The following WDR5 variants were observed in gnomAD, a reference collection of about 807,000 sequenced individuals.
The protein encoded by WDR5 is WD repeat-containing protein 5.
For missense variants in WDR5, 187 were observed against 416.9 expected (o/e 0.45, Z 4.80); for synonymous variants, 144 against 161.6 (o/e 0.89, Z 0.83).
At position 134,157,996 on chromosome 9, in the gene WDR5, C is replaced by A. The variant is rs770477775; in HGVS notation, c.*3C>A. The A allele has an allele frequency of 3.1e-6, 5 of 1,613,430 alleles. No individual in the cohort carries two copies. In the African/African-American group the frequency reaches 6.7e-5, roughly 22 times the overall value. ...AACTGTGGAAGAGTGACTGCTAAGT[C>A]CCTTTGCTCCTGCCCGCGAGAGACT... On this transcript the variant is annotated 3_prime_UTR_variant, in exon 14 of 14. Coordinates refer to ENST00000358625, the MANE Select transcript of WDR5 (RefSeq NM_017588.3). This position sits in a 1 kb window ranked among gnomAD's most constrained non-coding sequence, Gnocchi z 5.0.
In WDR5 at chr9:134,140,785, C is replaced by T. The variant is rs375576421; in HGVS notation, c.164C>T (p.Pro55Leu). 14 of 1,613,994 alleles carry T rather than the reference C, an allele frequency of 8.7e-6. No individual in the cohort carries two copies. The highest frequency in any genetic ancestry group is 6.7e-5 in the Admixed American group (4 of 59,998). Residue 55 changes from proline to leucine, a missense_variant, in exon 3 of 14, where the codon CCG becomes CTG. Pro to Leu is a moderately conservative substitution (Grantham distance 98, BLOSUM62 -3). Coordinates refer to ENST00000358625, the MANE Select transcript of WDR5 (RefSeq NM_017588.3). ...TKAVSSVKFS[P>L]NGEWLASSSA... Reference sequence around the variant, plus strand: ...GCAGTGTCCTCCGTGAAATTCAGCCCGAATGGAGAGTGGCTGGCAAGTTCA... The same window carrying T: ...GCAGTGTCCTCCGTGAAATTCAGCCTGAATGGAGAGTGGCTGGCAAGTTCA...
chr9:134,136,729 C>T (rs1287812940), intron 1 of WDR5, among the ~76,000 whole-genome samples: 1 of 152,154 alleles, frequency 6.6e-6, no homozygotes, highest in Non-Finnish European at 1.5e-5. Flanking sequence ...CACCGTGCCT[C>T]CTCGCGCGGG....
intron 1 of WDR5, among the ~76,000 whole-genome samples, chr9:134,137,229 G>C (rs1244286459): frequency 6.6e-6 from 1 of 152,166 alleles, no homozygotes; most frequent in African/African-American, 2.4e-5. Context: ...TGGATGAAAA[G>C]CAGTGGCTGC....
chr9:134,143,038 G>A (rs747599899), intron 7 of WDR5, among the ~76,000 whole-genome samples: 2 of 152,038 alleles, frequency 1.3e-5, no homozygotes, highest in South Asian at 2.1e-4. Flanking sequence ...ACTGATGCAC[G>A]GGACAGGAAG....
rs978290942 is a variant in WDR5, at chr9:134,157,249, C to G, written c.905-644C>G. ...GCCTGGGGTCAGTGCTTACGCTCCA[C>G]GGCGGGCCTGGGCCTTCCCCTGGGT... is the stretch of plus-strand genomic sequence containing the variant. On this transcript the variant is annotated intron_variant, in intron 13 of 13. Coordinates refer to ENST00000358625, the MANE Select transcript of WDR5 (RefSeq NM_017588.3). The surrounding 1 kb of genome is among the most constrained non-coding windows in gnomAD (Gnocchi z 5.0). 2.6e-5 allele frequency among the ~76,000 whole-genome samples: 4 copies of G among 152,246 alleles called. No homozygotes were observed. The highest frequency in any genetic ancestry group is 9.6e-5 in the African/African-American group (4 of 41,480).
At chr9:134,140,473 G>A (rs1831827211) in intron 2 of WDR5, among the ~76,000 whole-genome samples, 1 of 152,182 alleles carries the variant, frequency 6.6e-6, no homozygotes, top group African/African-American at 2.4e-5. Context: ...TTGGTGCTGA[G>A]TTTGGAGACT....
chr9:134,142,620 T>C lies in WDR5; in HGVS notation c.445-16T>C, dbSNP rs1233333570. ...TCTCCTTCCTGTAAAATCACTGTCATCTCTTTTGTGTTCAGTTTGACGAAA... is the reference window on the plus strand; with the variant it reads ...TCTCCTTCCTGTAAAATCACTGTCACCTCTTTTGTGTTCAGTTTGACGAAA... On this transcript the variant is annotated splice_polypyrimidine_tract_variant and intron_variant, in intron 6 of 13. Coordinates refer to ENST00000358625, the MANE Select transcript of WDR5 (RefSeq NM_017588.3). The C allele has an allele frequency of 6.2e-7, 1 of 1,614,058 alleles. No homozygotes were observed. Among genetic ancestry groups the C allele is most frequent in the Admixed American group, 1.7e-5 (1 of 60,028 alleles).
chr9:134,144,837 T>TA (rs200157032), intron 7 of WDR5, among the ~76,000 whole-genome samples: 3 of 151,990 alleles, frequency 2.0e-5, no homozygotes, highest in African/African-American at 7.3e-5. Flanking sequence ...CCCCATGTCT[T>TA]AAAAAAACCA....
At chr9:134,140,008 G>A (rs750171286) in intron 2 of WDR5, 50 bp downstream of exon 2, 1 of 1,598,826 alleles carries the variant, frequency 6.3e-7, no homozygotes, top group Non-Finnish European at 8.6e-7. Context: ...AATACGCTTA[G>A]AGAGTCTCGG....
intron 7 of WDR5, 80 bp from the exon 8 acceptor site, chr9:134,148,208 T>TTTG: frequency 1.9e-6 from 1 of 529,332 alleles, no homozygotes. Context: ...TTTTTTTTTT[T>TTTG]TTTGAGATCA....
In WDR5 at chr9:134,142,337, A is replaced by G; in HGVS notation, c.359A>G (p.Lys120Arg). The G allele has an allele frequency of 6.2e-7, 1 of 1,613,884 alleles. No homozygotes were observed. Among genetic ancestry groups the G allele is most frequent in the Non-Finnish European group, 8.5e-7 (1 of 1,179,866 alleles). Reference sequence around the variant, plus strand: ...CCTAATAATACTCTGTTATAGGGCAAGTGTCTGAAAACCCTGAAGGGACAC... The same window carrying G: ...CCTAATAATACTCTGTTATAGGGCAGGTGTCTGAAAACCCTGAAGGGACAC... Reference protein sequence around the residue: ...TLKIWDVSSGKCLKTLKGHSN... With the variant: ...TLKIWDVSSGRCLKTLKGHSN... The change falls in exon 6 of 14, where the codon AAG becomes AGG. Residue 120 changes from lysine to arginine, a missense_variant. Lys to Arg is a conservative substitution (Grantham distance 26, BLOSUM62 2). Transcript: ENST00000358625.
chr9:134,141,629 G>A (rs759364594), intron 4 of WDR5, 46 bp downstream of exon 4: 3 of 1,597,898 alleles, frequency 1.9e-6, no homozygotes, highest in Non-Finnish European at 1.7e-6. Context: ...GAACAGGGTG[G>A]CTCTAGTGAT....
chr9:134,154,287 C>A (rs28705689), intron 9 of WDR5, among the ~76,000 whole-genome samples, 179 bp from the exon 10 acceptor site: 7,465 of 151,972 alleles, frequency 0.049, 438 homozygotes, highest in African/African-American at 0.14. Flanking sequence ...AACCTGCTCA[C>A]GGCTGGTGTG....
Position 134,157,543 on chromosome 9 carries a change from G to A in WDR5, c.905-350G>A, listed in dbSNP as rs546385801. Among the ~76,000 whole-genome samples, 44 of 152,258 alleles carry A rather than the reference G, an allele frequency of 2.9e-4. No homozygotes were observed. The highest frequency in any genetic ancestry group is 1.4e-3 in the East Asian group (7 of 5,164). On this transcript the variant is annotated intron_variant, in intron 13 of 13. Transcript: ENST00000358625. This position sits in a 1 kb window ranked among gnomAD's most constrained non-coding sequence, Gnocchi z 5.0. Reference sequence around the variant, plus strand: ...AGGGGTCTGACTGCAGTCCTTGTGCGCGCCAGCCTCTGAGCCAGTCCTGCT... The same window carrying A: ...AGGGGTCTGACTGCAGTCCTTGTGCACGCCAGCCTCTGAGCCAGTCCTGCT...
intron 13 of WDR5, among the ~76,000 whole-genome samples, chr9:134,156,980 C>T (rs1431794194): frequency 1.3e-5 from 2 of 152,190 alleles, no homozygotes; most frequent in South Asian, 2.1e-4. Flanking sequence ...GGTACCTGTT[C>T]CCTCTCCCAG....
At chr9:134,144,468 C>T (rs533460884) in intron 7 of WDR5, among the ~76,000 whole-genome samples, 85 of 152,260 alleles carry the variant, frequency 5.6e-4, no homozygotes, top group African/African-American at 1.8e-3. Flanking sequence ...CCAAAGATAG[C>T]GCAGGTGGGA....
Position 134,136,440 on chromosome 9 carries a change from C to T in WDR5, c.-59+240C>T, listed in dbSNP as rs545505161. On this transcript the variant is annotated intron_variant, in intron 1 of 13. Coordinates refer to ENST00000358625, the MANE Select transcript of WDR5 (RefSeq NM_017588.3). ...GCCCCCACTCGCGCCCCCACCTCCG[C>T]CTCCCCGGCGGACCGCTGACAAGGC... Among the ~76,000 whole-genome samples, 17 of 152,062 alleles carry T rather than the reference C, an allele frequency of 1.1e-4. No homozygotes were observed. In the East Asian group the frequency reaches 3.1e-3, roughly 28 times the overall value.
chr9:134,148,295 T>G lies in WDR5; in HGVS notation c.536T>G (p.Phe179Cys). 6.2e-7 allele frequency: 1 copy of G among 1,609,370 alleles called. No individual in the cohort carries two copies. Among genetic ancestry groups the G allele is most frequent in the South Asian group, 1.1e-5 (1 of 90,958 alleles). ...AHSDPVSAVH[F>C]NRDGSLIVSS... ...CCTCTCCTTAATTCCTAGGTTCATT[T>G]TAATCGTGATGGATCCTTGATAGTT... The change falls in exon 8 of 14, where the codon TTT (phenylalanine) becomes TGT (cysteine). Residue 179 changes from phenylalanine to cysteine, a missense_variant. Transcript: ENST00000358625.
At chr9:134,143,391 A>T (rs1588170907) in intron 7 of WDR5, among the ~76,000 whole-genome samples, 1 of 152,232 alleles carries the variant, frequency 6.6e-6, no homozygotes, top group Admixed American at 6.5e-5. Context: ...AAATACAAAA[A>T]TCAGCTGGAC....
Sources: allele counts gnomAD v4.1 joint callset (sites outside exome capture counted in the v4.1 genomes callset), GRCh38; gene constraint gnomAD v4.1.1; non-coding constraint Gnocchi (gnomAD v3.1); transcripts MANE v1.5; gene names NCBI Gene and HGNC (gene_info 2026-07-23, HGNC 2026-07-21).